Variants in MARCHF1 observed in about 807,000 individuals in gnomAD.
MARCHF1 encodes the protein E3 ubiquitin-protein ligase MARCHF1.
A neutral mutation model predicts 54.2 loss-of-function variants in MARCHF1; 40 were observed. The ratio of observed to expected loss-of-function variants is 0.74; its 90% CI spans 0.57 to 0.96. The LOEUF is 0.96. Among genes scored for constraint, MARCHF1 ranks in the 40% least tolerant of loss-of-function variants. MARCHF1 has a pLI of 0.00. For synonymous variants in MARCHF1, 236 were observed against 236.3 expected (o/e 1.00, Z 0.01); for missense variants, 586 against 656.5 (o/e 0.89, Z 1.17).
intron 2 of MARCHF1, among the ~76,000 whole-genome samples, chr4:164,083,402 A>G (rs1334935664): frequency 6.6e-6 from 1 of 152,080 alleles, no homozygotes; most frequent in Non-Finnish European, 1.5e-5. Context: ...TTTTCTAAAG[A>G]AGCATTTCAA....
intron 4 of MARCHF1, among the ~76,000 whole-genome samples, chr4:163,703,457 A>G (rs1744864792): frequency 6.6e-6 from 1 of 152,164 alleles, no homozygotes; most frequent in African/African-American, 2.4e-5. Flanking sequence ...TTGTCCCATT[A>G]CTATTGCAAT....
chr4:163,616,163 GT>G (rs1384179907), intron 5 of MARCHF1, among the ~76,000 whole-genome samples: 2 of 152,080 alleles, frequency 1.3e-5, no homozygotes, highest in African/African-American at 4.8e-5. Flanking sequence ...TTTTAGAAAA[GT>G]TTTTGTGGGT....
chr4:164,320,803 G>A (rs1269072753), intron 1 of MARCHF1, among the ~76,000 whole-genome samples: 1 of 151,834 alleles, frequency 6.6e-6, no homozygotes, highest in Non-Finnish European at 1.5e-5. Flanking sequence ...TGTGTGGGGG[G>A]AGTGGGGCTG....
At chr4:163,611,524 T>A (rs543217519) in intron 7 of MARCHF1, among the ~76,000 whole-genome samples, 51 of 152,266 alleles carry the variant, frequency 3.3e-4, no homozygotes, top group African/African-American at 7.9e-4. Flanking sequence ...TATGAAAATG[T>A]ACAAATATAT....
At chr4:163,699,327 T>C (rs1013188440) in intron 5 of MARCHF1, among the ~76,000 whole-genome samples, 1 of 152,214 alleles carries the variant, frequency 6.6e-6, no homozygotes, top group African/African-American at 2.4e-5. Context: ...ATGGTCTCCC[T>C]ATGGAGGAAT....
intron 2 of MARCHF1, among the ~76,000 whole-genome samples, chr4:164,050,770 T>C (rs896122626): frequency 1.3e-5 from 2 of 152,106 alleles, no homozygotes; most frequent in African/African-American, 2.4e-5. Context: ...CTGTCTCTAC[T>C]AAAAATACAA....
At chr4:163,837,024 G>A (rs1749208300) in intron 4 of MARCHF1, among the ~76,000 whole-genome samples, 1 of 152,102 alleles carries the variant, frequency 6.6e-6, no homozygotes, top group African/African-American at 2.4e-5. Flanking sequence ...AACATCATAT[G>A]TATAAATATA....
chr4:163,702,917 G>A (rs1282122752), intron 4 of MARCHF1, among the ~76,000 whole-genome samples: 1 of 152,008 alleles, frequency 6.6e-6, no homozygotes, highest in African/African-American at 2.4e-5. Context: ...AAGTTAACAC[G>A]TGGTAGGACA....
intron 4 of MARCHF1, among the ~76,000 whole-genome samples, chr4:163,718,538 A>T (rs1346078405): frequency 6.6e-6 from 1 of 152,230 alleles, no homozygotes; most frequent in Admixed American, 6.5e-5. Context: ...CAATAAATCC[A>T]ATCTATTCTG....
At chr4:163,724,558 A>C (rs6836584) in intron 4 of MARCHF1, among the ~76,000 whole-genome samples, 72,055 of 151,912 alleles carry the variant, frequency 0.47, 17,143 homozygotes, top group Admixed American at 0.51. Context: ...ACATTTAAGT[A>C]TGCAGAGGTT....
chr4:164,010,696 G>A (rs911751081), intron 2 of MARCHF1, among the ~76,000 whole-genome samples: 3 of 151,904 alleles, frequency 2.0e-5, no homozygotes, highest in African/African-American at 7.3e-5. Context: ...ACTACCCAAA[G>A]CAATCTACAG....
chr4:163,805,627 T>C (rs1748204689), intron 4 of MARCHF1, among the ~76,000 whole-genome samples: 1 of 152,216 alleles, frequency 6.6e-6, no homozygotes, highest in Non-Finnish European at 1.5e-5. Flanking sequence ...AACATCAGGC[T>C]CCAACGATAG....
intron 4 of MARCHF1, among the ~76,000 whole-genome samples, chr4:163,771,081 A>G (rs573365192): frequency 6.6e-6 from 1 of 152,310 alleles, no homozygotes; most frequent in East Asian, 1.9e-4. Flanking sequence ...AATAGTGACC[A>G]AATTTTGTGC....
intron 4 of MARCHF1, among the ~76,000 whole-genome samples, chr4:163,819,112 T>C (rs951046169): frequency 2.0e-5 from 3 of 152,124 alleles, no homozygotes. Flanking sequence ...AGTCACAGCT[T>C]GGAGTTGCCA....
At chr4:164,035,930 TA>T (rs35474146) in intron 2 of MARCHF1, among the ~76,000 whole-genome samples, 51,810 of 115,986 alleles carry the variant, frequency 0.45, 12,075 homozygotes, top group Non-Finnish European at 0.55. Context: ...AAACTAAAAC[TA>T]AAAAAAAAAA....
At chr4:164,267,160 A>G (rs1733631477) in intron 1 of MARCHF1, among the ~76,000 whole-genome samples, 1 of 152,172 alleles carries the variant, frequency 6.6e-6, no homozygotes, top group Non-Finnish European at 1.5e-5. Flanking sequence ...TTAGACCAGA[A>G]AAGATAGCAC....
intron 7 of MARCHF1, among the ~76,000 whole-genome samples, chr4:163,594,400 A>G (rs1301176242): frequency 6.6e-6 from 1 of 151,502 alleles, no homozygotes; most frequent in Non-Finnish European, 1.5e-5. Context: ...TTATTATATG[A>G]TATAATAATA....
chr4:164,157,703 G>A (rs1730114786), intron 1 of MARCHF1, among the ~76,000 whole-genome samples: 1 of 152,072 alleles, frequency 6.6e-6, no homozygotes, highest in South Asian at 2.1e-4. Flanking sequence ...TGCTCTCCTT[G>A]TGTGTGTTTG....
intron 5 of MARCHF1, among the ~76,000 whole-genome samples, chr4:163,654,542 G>A (rs1743073140): frequency 6.6e-6 from 1 of 151,398 alleles, no homozygotes; most frequent in Non-Finnish European, 1.5e-5. Context: ...TGGGTTATTG[G>A]TGCATACAAT....
Sources: allele counts gnomAD v4.1 joint callset (sites outside exome capture counted in the v4.1 genomes callset), GRCh38; gene constraint gnomAD v4.1.1; transcripts MANE v1.5; gene names NCBI Gene and HGNC (gene_info 2026-07-23, HGNC 2026-07-21).